The following LMTK3 variants were observed in gnomAD, a reference collection of about 807,000 sequenced individuals.
The protein encoded by LMTK3 is lemur tail kinase 3, also known as serine/threonine-protein kinase LMTK3.
In LMTK3, 27 loss-of-function variants were observed where a neutral mutation model predicts 116.7. The observed-to-expected ratio is 0.23, with a 90% CI of 0.17 to 0.32. The LOEUF (loss-of-function observed/expected upper bound fraction) is 0.32, where lower values mean the gene tolerates loss of function less well. Ranked by LOEUF, LMTK3 falls within the 10% of genes least tolerant of loss-of-function variation. The pLI is 1.00. For missense variants in LMTK3, 1,764 were observed against 2,068.5 expected (o/e 0.85, Z 2.86); for synonymous variants, 965 against 971.0 (o/e 0.99, Z 0.11).
At chr19:48,509,379 G>C (rs1449037210) in intron 4 of LMTK3, 58 bp downstream of exon 4, 1 of 1,488,214 alleles carries the variant, frequency 6.7e-7, no homozygotes. Context: ...TGTGGACACA[G>C]AACAGGAGGA....
chr19:48,498,431 C>A lies in LMTK3; in HGVS notation c.2638G>T (p.Ala880Ser), dbSNP rs1179276175. Residue 880 changes from alanine to serine, a missense_variant, in exon 11 of 15, where the codon GCG becomes TCG. Around this residue, in one of 7 missense-constraint regions of LMTK3, gnomAD observed 1,028 missense variants for 1,050.6 expected, o/e 0.98. Transcript: ENST00000600059. ...CTGGGTCCTGTCTCCCGGGCTGTCG[C>A]CCCCTTCTCCCCCAGGAGGTTCCTT... Reference protein sequence around the residue: ...VTRNLLGEKGATARETGPRKA... With the variant: ...VTRNLLGEKGSTARETGPRKA... 1 of 1,605,158 alleles carries A rather than the reference C, an allele frequency of 6.2e-7. No homozygotes were observed. The highest frequency in any genetic ancestry group is 2.2e-5 in the East Asian group (1 of 44,538).
chr19:48,502,022 T>C (rs1403930798), intron 7 of LMTK3, among the ~76,000 whole-genome samples: 1 of 91,552 alleles, frequency 1.1e-5, no homozygotes, highest in Non-Finnish European at 2.1e-5. Flanking sequence ...GACCCTCCCC[T>C]ATCCTGGCTC....
At position 48,485,502 on chromosome 19, in the gene LMTK3, A is replaced by C. The variant is rs1972105801; in HGVS notation, c.*271T>G. ...AAAAGAGTTCAGTTCAGTTCCGAGA[A>C]AGGCGGCTCTCTATGGAGGGGCGGG... is the stretch of plus-strand genomic sequence containing the variant. On this transcript the variant is annotated 3_prime_UTR_variant, in exon 15 of 15. Transcript: ENST00000600059. 2.2e-6 allele frequency: 1 copy of C among 455,712 alleles called. No individual in the cohort carries two copies. Among genetic ancestry groups the C allele is most frequent in the Non-Finnish European group, 4.0e-6 (1 of 251,060 alleles). 28.2% of individuals were successfully genotyped at this position (455,712 alleles called of 1,614,324 possible).
At chr19:48,504,248 C>T (rs1972525109) in intron 5 of LMTK3, among the ~76,000 whole-genome samples, 1 of 152,208 alleles carries the variant, frequency 6.6e-6, no homozygotes, top group Non-Finnish European at 1.5e-5. Context: ...GCCTCAACAT[C>T]ATCTCCCCGG....
chr19:48,503,930 T>C (rs563409163), intron 5 of LMTK3, among the ~76,000 whole-genome samples: 1 of 150,468 alleles, frequency 6.6e-6, no homozygotes, highest in African/African-American at 2.4e-5. Context: ...TGCAATGGAG[T>C]GATCTCAGCT....
Position 48,499,735 on chromosome 19 carries a change from C to G in LMTK3, c.1334G>C (p.Gly445Ala). Reference sequence around the variant, plus strand: ...TAGGGGGAACGGTGAGGAGAGGGTCCCCGGGCGGGGCGCACTGTGTGCAGG... The same window carrying G: ...TAGGGGGAACGGTGAGGAGAGGGTCGCCGGGCGGGGCGCACTGTGTGCAGG... ...WPPAHSAPRP[G>A]TLSSPFPLLD... The change falls in exon 11 of 15, where the codon GGG (glycine) becomes GCG (alanine). Residue 445 changes from glycine to alanine, a missense_variant. Physicochemically the swap from Gly to Ala is moderately conservative, Grantham distance 60. This residue lies in a region of LMTK3 where 63 missense variants were observed against 65.0 expected (regional missense o/e 0.97). Transcript: ENST00000600059. 6.5e-7 allele frequency: 1 copy of G among 1,527,212 alleles called. No individual in the cohort carries two copies. The highest frequency in any genetic ancestry group is 8.8e-7 in the Non-Finnish European group (1 of 1,135,650). The allele number at this position is 1,527,212 out of a possible 1,614,324, so 94.6% of individuals were successfully genotyped here. A position where few individuals can be genotyped will look rare whatever the true frequency, so the allele number is the denominator to read the frequency against.
chr19:48,501,849 C>T (rs1972473431), intron 7 of LMTK3, among the ~76,000 whole-genome samples: 1 of 150,820 alleles, frequency 6.6e-6, no homozygotes, highest in Non-Finnish European at 1.5e-5. Flanking sequence ...TTGACTCCTC[C>T]CCCTCCTCTC....
rs1307727132 is a variant in LMTK3 at position 48,494,219 on chromosome 19, C to T, written c.3677-110G>A. The T allele has an allele frequency of 1.6e-6, 1 of 606,658 alleles. No homozygotes were observed. The highest frequency in any genetic ancestry group is 2.2e-6 in the Non-Finnish European group (1 of 462,806). 37.6% of individuals were successfully genotyped at this position (606,658 alleles called of 1,614,324 possible). A position where few individuals can be genotyped will look rare whatever the true frequency, so the allele number is the denominator to read the frequency against. On this transcript the variant is annotated intron_variant, in intron 11 of 14. Transcript: ENST00000600059. The surrounding 1 kb of genome is among the most constrained non-coding windows in gnomAD (Gnocchi z 4.0). The stretch of plus-strand genomic sequence containing the variant: ...CCCCCGCACAATCTGGGCCTCAGCA[C>T]CCACTTTGTGAACGGAAGGGCTGCA...
chr19:48,491,412 C>T lies in LMTK3; in HGVS notation c.4220G>A (p.Ser1407Asn). 1 of 1,414,764 alleles carries T rather than the reference C, an allele frequency of 7.1e-7. No homozygotes were observed. The highest frequency in any genetic ancestry group is 9.2e-7 in the Non-Finnish European group (1 of 1,084,470). 87.6% of individuals were successfully genotyped at this position (1,414,764 alleles called of 1,614,324 possible). Reference sequence around the variant, plus strand: ...ATAGGGCCCGTCCTCACCAAAGCCGCTGTCGTTGCTGGGAAACCCATCTCC... The same window carrying T: ...ATAGGGCCCGTCCTCACCAAAGCCGTTGTCGTTGCTGGGAAACCCATCTCC... ...TPGDGFPSND[S>N]GFGGSFEWAE... Residue 1407 changes from serine to asparagine, a missense_variant, in exon 13 of 15, where the codon AGC (serine) becomes AAC (asparagine). Around this residue, in one of 7 missense-constraint regions of LMTK3, gnomAD observed 281 missense variants for 301.4 expected, o/e 0.93. Coordinates refer to ENST00000600059, the MANE Select transcript of LMTK3 (RefSeq NM_001388485.1). The surrounding 1 kb of genome is among the most constrained non-coding windows in gnomAD (Gnocchi z 5.1).
At chr19:48,490,811 GC>G (rs1179121762) in intron 14 of LMTK3, among the ~76,000 whole-genome samples, 1 of 152,302 alleles carries the variant, frequency 6.6e-6, no homozygotes, top group African/African-American at 2.4e-5. Flanking sequence ...CGGAGTCTGA[GC>G]CCAGAGATGG....
rs1972109464 is a variant in LMTK3, at chr19:48,485,656, C to T, written c.*117G>A. 3.4e-6 allele frequency: 4 copies of T among 1,166,766 alleles called. No individual in the cohort carries two copies. Among genetic ancestry groups the T allele is most frequent in the African/African-American group, 3.1e-5 (2 of 65,054 alleles). The allele number at this position is 1,166,766 out of a possible 1,614,324, so 72.3% of individuals were successfully genotyped here. On this transcript the variant is annotated 3_prime_UTR_variant, in exon 15 of 15. Transcript: ENST00000600059. Reference sequence around the variant, plus strand: ...GGGGAGTGGGAGGGGGAGGGCCCAGCCTCGGGGGCCTCCCCAGAGGCGGCG... The same window carrying T: ...GGGGAGTGGGAGGGGGAGGGCCCAGTCTCGGGGGCCTCCCCAGAGGCGGCG...
In LMTK3 at chr19:48,493,771, G is replaced by T. The variant is rs1972271989; in HGVS notation, c.4015C>A (p.Pro1339Thr). The change falls in exon 12 of 15, where the codon CCA becomes ACA. Residue 1339 changes from proline to threonine, a missense_variant. Coordinates refer to ENST00000600059, the MANE Select transcript of LMTK3 (RefSeq NM_001388485.1). ...TTCCTCTCCAGCTCGCTGTCCTCTG[G>T]CTCGTCGGCCCCGCGCGGAGACTTG... ...LLKSPRGADE[P>T]EDSELERKRK... is the part of the protein sequence containing the mutation. 6.5e-7 allele frequency: 1 copy of T among 1,549,232 alleles called. No homozygotes were observed. Among genetic ancestry groups the T allele is most frequent in the Non-Finnish European group, 8.7e-7 (1 of 1,148,798 alleles).
At chr19:48,513,388 CCCAAGGCACACAAGCCG>C, upstream of LMTK3, 1 of 589,518 alleles carries the variant, frequency 1.7e-6, no homozygotes, top group East Asian at 2.8e-5. This position sits in a 1 kb window ranked among gnomAD's most constrained non-coding sequence, Gnocchi z 5.6. Context: ...AGTCACCTGC[CCCAAGGCACACAAGCCG>C]GGGAGTGGCA....
At chr19:48,509,004 GT>G in intron 4 of LMTK3, 35 bp from the exon 5 acceptor site, 1 of 1,438,184 alleles carries the variant, frequency 7.0e-7, no homozygotes, top group Non-Finnish European at 9.6e-7. Flanking sequence ...AGCGAGTGCC[GT>G]TTCCCCAGCC....
chr19:48,504,270 G>GC (rs951966627), intron 5 of LMTK3, among the ~76,000 whole-genome samples: 8 of 151,988 alleles, frequency 5.3e-5, no homozygotes, highest in East Asian at 1.9e-4. Context: ...AAGCTTTGCT[G>GC]CCCCCCCAAT....
intron 5 of LMTK3, among the ~76,000 whole-genome samples, chr19:48,503,954 A>G (rs571322963): frequency 2.1e-5 from 3 of 145,046 alleles, no homozygotes; most frequent in African/African-American, 7.8e-5. Flanking sequence ...TGCAACCTCC[A>G]CCTCCCGGGT....
intron 3 of LMTK3, 115 bp downstream of exon 3, chr19:48,509,908 C>A: frequency 8.3e-7 from 1 of 1,201,884 alleles, no homozygotes; most frequent in Non-Finnish European, 1.2e-6. Context: ...CCACCTATGC[C>A]TTTCCCATTG....
chr19:48,509,886 A>G, intron 3 of LMTK3, 137 bp downstream of exon 3: 1 of 945,138 alleles, frequency 1.1e-6, no homozygotes, highest in Non-Finnish European at 1.6e-6. Flanking sequence ...TGCTTCCAAG[A>G]TTCCAGCGCT....
chr19:48,485,764 T>C lies in LMTK3; in HGVS notation c.*9A>G, dbSNP rs1316800238. 5 of 1,610,680 alleles carry C rather than the reference T, an allele frequency of 3.1e-6. No homozygotes were observed. In the South Asian group the frequency reaches 3.3e-5, roughly 11 times the overall value. ...TCTGAGGGTGCAGCGGGGTCGGGTC[T>C]TCGGGGAATCAATTCTCCACGGGGC... On this transcript the variant is annotated 3_prime_UTR_variant, in exon 15 of 15. Coordinates refer to ENST00000600059, the MANE Select transcript of LMTK3 (RefSeq NM_001388485.1).
Sources: gnomAD v4.1 joint callset for allele counts (sites outside exome capture counted in the v4.1 genomes callset) on GRCh38, gnomAD v4.1.1 for gene constraint, gnomAD v4.1.1 regional missense constraint, Gnocchi (gnomAD v3.1) non-coding constraint, MANE v1.5 for transcripts, NCBI Gene and HGNC (gene_info 2026-07-23, HGNC 2026-07-21) for gene names.